The following SYK variants were observed in gnomAD, a reference collection of about 807,000 sequenced individuals.
SYK encodes the protein tyrosine-protein kinase SYK.
SYK carries 16 observed loss-of-function variants against 77.8 expected under a neutral mutation model. That is an observed-to-expected ratio of 0.21 (90% CI 0.14 to 0.31). The LOEUF (loss-of-function observed/expected upper bound fraction) is 0.31, where lower values mean the gene tolerates loss of function less well. Ranked by LOEUF, SYK falls within the 10% of genes least tolerant of loss-of-function variation. The pLI, the probability that SYK is intolerant of heterozygous loss-of-function variation, is 1.00. For synonymous variants in SYK, 312 were observed against 308.7 expected (o/e 1.01, Z -0.11); for missense variants, 529 against 814.4 (o/e 0.65, Z 4.26).
intron 1 of SYK, among the ~76,000 whole-genome samples, chr9:90,824,367 A>G (rs1488261910): frequency 6.6e-6 from 1 of 152,220 alleles, no homozygotes; most frequent in Non-Finnish European, 1.5e-5. Flanking sequence ...TGGAGGAAAC[A>G]GTTTCTAATT....
At chr9:90,836,933 A>G (rs1302131664) in intron 1 of SYK, among the ~76,000 whole-genome samples, 1 of 152,224 alleles carries the variant, frequency 6.6e-6, no homozygotes, top group African/African-American at 2.4e-5. Context: ...TGGTATTGAT[A>G]AATACAGTAC....
chr9:90,887,965 C>A (rs1193710991), intron 12 of SYK, 76 bp downstream of exon 12: 1 of 1,453,162 alleles, frequency 6.9e-7, no homozygotes, highest in South Asian at 1.5e-5. Context: ...TTACAACAAC[C>A]TGAAAATCCT....
In SYK at chr9:90,866,126, C is replaced by G. The variant is rs532715827; in HGVS notation, c.847-1005C>G. Among the ~76,000 whole-genome samples the G allele has an allele frequency of 1.6e-4, 25 of 152,256 alleles. 1 individual carries two copies. Among genetic ancestry groups the G allele is most frequent in the African/African-American group, 6.0e-4 (25 of 41,568 alleles). On this transcript the variant is annotated intron_variant, in intron 6 of 13. Coordinates refer to ENST00000375754, the MANE Select transcript of SYK (RefSeq NM_003177.7). ...CCGTTAGCCAGGATGGTCTCGATCT[C>G]CTAACCTCGTGATCTGCCCGCCTCG...
intron 9 of SYK, 144 bp from the exon 10 acceptor site, chr9:90,877,427 A>G: frequency 1.2e-6 from 1 of 820,066 alleles, no homozygotes; most frequent in Admixed American, 2.6e-5. Context: ...GCCATCCATT[A>G]CAGGCTTCTG....
chr9:90,857,690 G>A (rs1827095418), intron 3 of SYK, among the ~76,000 whole-genome samples: 1 of 152,100 alleles, frequency 6.6e-6, no homozygotes, highest in South Asian at 2.1e-4. Context: ...CACTGTTCAG[G>A]ACCTCATTCG....
At chr9:90,880,255 A>G (rs984248996) in intron 11 of SYK, among the ~76,000 whole-genome samples, 6 of 152,218 alleles carry the variant, frequency 3.9e-5, no homozygotes, top group Non-Finnish European at 8.8e-5. Flanking sequence ...CTCGGCCAGC[A>G]AAGGGACTGC....
In SYK at chr9:90,876,944, G is replaced by A. The variant is rs565229234; in HGVS notation, c.1182-627G>A. 4.6e-5 allele frequency among the ~76,000 whole-genome samples: 7 copies of A among 152,260 alleles called. No homozygotes were observed. The South Asian group carries it at 1.0e-3, about 23-fold the overall frequency. ...GAATCCCAAGATGTTACAGGAATTC[G>A]TACATGTCATCGTTGGTGAAGTTTA... On this transcript the variant is annotated intron_variant, in intron 9 of 13. Transcript: ENST00000375754.
intron 1 of SYK, among the ~76,000 whole-genome samples, chr9:90,837,079 G>A (rs1412472614): frequency 6.6e-6 from 1 of 151,916 alleles, no homozygotes; most frequent in Non-Finnish European, 1.5e-5. Context: ...TTATGTTATA[G>A]GTAAGCCTTC....
chr9:90,874,733 CGAG>C lies in SYK; in HGVS notation c.1069_1071del (p.Glu357del), dbSNP rs1352210355. 3.1e-6 allele frequency: 5 copies of C among 1,613,816 alleles called. No individual in the cohort carries two copies. Among genetic ancestry groups the C allele is most frequent in the African/African-American group, 1.3e-5 (1 of 74,916 alleles). On this transcript the variant is annotated inframe_deletion, in exon 9 of 14. Coordinates refer to ENST00000375754, the MANE Select transcript of SYK (RefSeq NM_003177.7). The stretch of plus-strand genomic sequence containing the variant: ...TGTACGAGAGCCCCTACGCGGACCC[CGAG>C]GAGATCAGGCCCAAGGAGGTTTACC...
intron 11 of SYK, among the ~76,000 whole-genome samples, chr9:90,883,638 A>G (rs1478774678): frequency 6.6e-6 from 1 of 152,068 alleles, no homozygotes; most frequent in Non-Finnish European, 1.5e-5. Flanking sequence ...ACCACCAGGG[A>G]GCCTGAGCAC....
At position 90,883,382 on chromosome 9, in the gene SYK, C is replaced by T. The variant is rs973421724; in HGVS notation, c.1582-4367C>T. ...CCTTGGGCCAGGGCTGATGCTGCCA[C>T]TGCCCCGCCACATAGGGAGAAGGGA... On this transcript the variant is annotated intron_variant, in intron 11 of 13. Coordinates refer to ENST00000375754, the MANE Select transcript of SYK (RefSeq NM_003177.7). 4.2e-4 allele frequency among the ~76,000 whole-genome samples: 64 copies of T among 152,254 alleles called. 1 individual carries two copies. Among genetic ancestry groups the T allele is most frequent in the African/African-American group, 1.4e-3 (58 of 41,524 alleles).
rs1376279823 is a variant in SYK at position 90,884,619 on chromosome 9, A to G, written c.1582-3130A>G. 2.7e-5 allele frequency among the ~76,000 whole-genome samples: 2 copies of G among 73,424 alleles called. 1 individual carries two copies. Among genetic ancestry groups the G allele is most frequent in the Non-Finnish European group, 5.1e-5 (2 of 39,442 alleles). The allele number at this position is 73,424 out of a possible 152,430, so 48.2% of individuals were successfully genotyped here. On this transcript the variant is annotated intron_variant, in intron 11 of 13. Coordinates refer to ENST00000375754, the MANE Select transcript of SYK (RefSeq NM_003177.7). ...TGTACATGTACATATATACACATATACACATATGTGTACATGTACATATAT... is the reference window on the plus strand; with the variant it reads ...TGTACATGTACATATATACACATATGCACATATGTGTACATGTACATATAT...
At chr9:90,867,308 C>T in intron 7 of SYK, 109 bp downstream of exon 7, 6 of 1,133,138 alleles carry the variant, frequency 5.3e-6, no homozygotes, top group Non-Finnish European at 7.9e-6. Context: ...CATCTCTTGC[C>T]ACTCTGCTTC....
chr9:90,811,972 A>G (rs1003515196), intron 1 of SYK, among the ~76,000 whole-genome samples: 1 of 151,686 alleles, frequency 6.6e-6, no homozygotes, highest in African/African-American at 2.4e-5. Flanking sequence ...AATCTCCCAC[A>G]TGCACATAAT....
chr9:90,862,198 T>C lies in SYK; in HGVS notation c.579-8T>C. On this transcript the variant is annotated splice_polypyrimidine_tract_variant and splice_region_variant and intron_variant, in intron 3 of 13. Coordinates refer to ENST00000375754, the MANE Select transcript of SYK (RefSeq NM_003177.7). Reference sequence around the variant, plus strand: ...CTGGGGATGATGCAGTTCCATCCTCTCTTCTAGGATCCGAGCCAGAGACAA... The same window carrying C: ...CTGGGGATGATGCAGTTCCATCCTCCCTTCTAGGATCCGAGCCAGAGACAA... 6.2e-7 allele frequency: 1 copy of C among 1,606,006 alleles called. No homozygotes were observed. The highest frequency in any genetic ancestry group is 8.5e-7 in the Non-Finnish European group (1 of 1,175,194).
At chr9:90,864,276 G>A (rs1205394889) in intron 4 of SYK, among the ~76,000 whole-genome samples, 4 of 152,158 alleles carry the variant, frequency 2.6e-5, no homozygotes, top group African/African-American at 4.8e-5. Context: ...TTTGTATGCT[G>A]TTAAAGGTGT....
chr9:90,890,399 T>C (rs1461902704), intron 13 of SYK, among the ~76,000 whole-genome samples: 1 of 152,226 alleles, frequency 6.6e-6, no homozygotes, highest in African/African-American at 2.4e-5. Flanking sequence ...GTCTACGTGA[T>C]ATTCACTGGA....
intron 1 of SYK, among the ~76,000 whole-genome samples, chr9:90,810,003 G>A (rs1000004238): frequency 2.6e-5 from 4 of 152,158 alleles, no homozygotes; most frequent in Admixed American, 6.5e-5. Flanking sequence ...AAAGGCAAGC[G>A]TTTGTGAGGG....
At chr9:90,864,737 G>A in intron 5 of SYK, 70 bp downstream of exon 5, 1 of 1,401,060 alleles carries the variant, frequency 7.1e-7, no homozygotes, top group Admixed American at 1.7e-5. Flanking sequence ...TTTAGACTTA[G>A]CTGATTGCAG....
Sources: allele counts gnomAD v4.1 joint callset (sites outside exome capture counted in the v4.1 genomes callset), GRCh38; gene constraint gnomAD v4.1.1; transcripts MANE v1.5; gene names NCBI Gene and HGNC (gene_info 2026-07-23, HGNC 2026-07-21).